The following GABRP variants were observed in gnomAD, a reference collection of about 807,000 sequenced individuals.
The protein encoded by GABRP is gamma-aminobutyric acid type A receptor subunit pi, also known as gamma-aminobutyric acid receptor subunit pi.
A neutral mutation model predicts 47.8 loss-of-function variants in GABRP; 52 were observed. That is an observed-to-expected ratio of 1.09 (90% CI 0.87 to 1.37). The LOEUF (loss-of-function observed/expected upper bound fraction) is 1.37. GABRP is among the 40% of genes most tolerant of loss of function. The pLI is 0.00. For synonymous variants in GABRP, 221 were observed against 205.8 expected, an observed-to-expected ratio of 1.07 and a Z score of -0.63; for missense variants, 525 against 542.8, an observed-to-expected ratio of 0.97 and a Z score of 0.33.
chr5:170,794,427 T>C, intron 4 of GABRP, 129 bp downstream of exon 4: 1 of 491,296 alleles, frequency 2.0e-6, no homozygotes, highest in Non-Finnish European at 3.5e-6. Flanking sequence ...CCATTTGGAA[T>C]GGCAGAAGCT....
rs1022662728 is a variant in GABRP at position 170,789,219 on chromosome 5, T to C, written c.144T>C (p.Tyr48=). 3.1e-6 allele frequency: 5 copies of C among 1,613,894 alleles called. No homozygotes were observed. Among genetic ancestry groups the C allele is most frequent in the Non-Finnish European group, 4.2e-6 (5 of 1,179,906 alleles). ...LPGFENLTAG[Y]NKFLRPNFGG... is the part of the protein sequence containing the mutation. ...GCTTTGAGAACCTCACAGCAGGATA[T>C]AACAAATTTCTCAGGCCCAATTTTG... The change falls in exon 3 of 10, where the codon TAT becomes TAC. Residue 48 remains tyrosine, a synonymous_variant. Coordinates refer to ENST00000265294, the MANE Select transcript of GABRP (RefSeq NM_014211.3).
Position 170,811,688 on chromosome 5 carries a change from G to A in GABRP, c.1021-268G>A, listed in dbSNP as rs570984811. 3.3e-4 allele frequency among the ~76,000 whole-genome samples: 50 copies of A among 152,232 alleles called. 1 individual carries two copies. Among genetic ancestry groups the A allele is most frequent in the African/African-American group, 1.0e-3 (43 of 41,542 alleles). ...ACTAACTTCAAAGCCTGAGCATTTC[G>A]CATCTGGCACACTGCTCAGGATATC... On this transcript the variant is annotated intron_variant, in intron 9 of 9. Coordinates refer to ENST00000265294, the MANE Select transcript of GABRP (RefSeq NM_014211.3).
chr5:170,795,019 A>G (rs1765385741), intron 4 of GABRP, among the ~76,000 whole-genome samples, 189 bp from the exon 5 acceptor site: 1 of 146,322 alleles, frequency 6.8e-6, no homozygotes, highest in South Asian at 2.2e-4. Context: ...GGAGTGACTT[A>G]TCAGTTACCC....
chr5:170,796,173 G>A (rs113613162), intron 5 of GABRP, among the ~76,000 whole-genome samples: 43 of 152,338 alleles, frequency 2.8e-4, no homozygotes, highest in African/African-American at 7.5e-4. Context: ...TTAAGTAAGA[G>A]TCTAAAGTTA....
rs866217879 is a variant in GABRP, at chr5:170,795,313, TG to T, written c.349del (p.Val117CysfsTer77). Reference protein sequence around the residue: ...TLDARLVEFLWVPDTYIVESK... With the variant: ...TLDARLVEFLXVPDTYIVESK... Reference sequence around the variant, plus strand: ...GGATGCCCGCCTCGTGGAGTTCCTCTGGGTGCCAGATACTTACATTGTGGAG... The same window carrying T: ...GGATGCCCGCCTCGTGGAGTTCCTCTGGTGCCAGATACTTACATTGTGGAG... On this transcript the variant is annotated frameshift_variant, in exon 5 of 10. Coordinates refer to ENST00000265294, the MANE Select transcript of GABRP (RefSeq NM_014211.3). LOFTEE classifies it high-confidence loss of function. The T allele has an allele frequency of 1.2e-5, 20 of 1,613,996 alleles. No homozygotes were observed. The highest frequency in any genetic ancestry group is 1.7e-5 in the Non-Finnish European group (20 of 1,179,992).
rs79707883 is a variant in GABRP, at chr5:170,803,501, T to C, written c.542-2215T>C. 6.3e-3 allele frequency among the ~76,000 whole-genome samples: 964 copies of C among 152,262 alleles called. 14 individuals carry two copies. Among genetic ancestry groups the C allele is most frequent in the African/African-American group, 0.022 (910 of 41,532 alleles). On this transcript the variant is annotated intron_variant, in intron 6 of 9. Coordinates refer to ENST00000265294, the MANE Select transcript of GABRP (RefSeq NM_014211.3). ...AACAGCTTTATTGAGGTATAACTTA[T>C]ATACGATAAAATTCACCCATTTTAA...
At chr5:170,798,920 A>C (rs983919345) in intron 6 of GABRP, among the ~76,000 whole-genome samples, 2 of 151,124 alleles carry the variant, frequency 1.3e-5, no homozygotes, top group Non-Finnish European at 2.9e-5. Context: ...TACATTAGGT[A>C]TATCTCCTAA....
intron 6 of GABRP, among the ~76,000 whole-genome samples, chr5:170,804,856 T>G (rs1019501668): frequency 6.6e-6 from 1 of 151,788 alleles, no homozygotes; most frequent in Non-Finnish European, 1.5e-5. Context: ...TTTTCAAGAA[T>G]AATGTGGGAA....
chr5:170,795,936 A>G (rs1289194284), intron 5 of GABRP, among the ~76,000 whole-genome samples: 1 of 152,134 alleles, frequency 6.6e-6, no homozygotes, highest in Non-Finnish European at 1.5e-5. Flanking sequence ...TGTAGAGAAA[A>G]CCAAGGTGCA....
At chr5:170,792,632 A>T (rs1765306155) in intron 3 of GABRP, among the ~76,000 whole-genome samples, 1 of 152,160 alleles carries the variant, frequency 6.6e-6, no homozygotes, top group African/African-American at 2.4e-5. Flanking sequence ...ACTTAGCACC[A>T]GGTCACTCCA....
chr5:170,813,018 T>A lies in GABRP; in HGVS notation c.*760T>A, dbSNP rs1765933828. ...TTATCATTTTATTATTATACACACA[T>A]CCATCCTAAACTATACTAAAGCCCT... On this transcript the variant is annotated 3_prime_UTR_variant, in exon 10 of 10. Coordinates refer to ENST00000265294, the MANE Select transcript of GABRP (RefSeq NM_014211.3). 1 of 152,208 alleles carries A rather than the reference T, an allele frequency of 6.6e-6. No homozygotes were observed. Among genetic ancestry groups the A allele is most frequent in the South Asian group, 2.1e-4 (1 of 4,824 alleles). The allele number at this position is 152,208 out of a possible 1,614,324, so 9.4% of individuals were successfully genotyped here.
intron 3 of GABRP, among the ~76,000 whole-genome samples, chr5:170,789,731 T>C (rs115791988): frequency 6.6e-6 from 1 of 152,110 alleles, no homozygotes; most frequent in Non-Finnish European, 1.5e-5. Flanking sequence ...CCAGCCTTTA[T>C]CTGTCTGCCA....
At chr5:170,809,785 C>CCAT (rs1368947634) in intron 9 of GABRP, 30 bp downstream of exon 9, 1 of 1,558,888 alleles carries the variant, frequency 6.4e-7, no homozygotes, top group South Asian at 1.2e-5. Context: ...TGTGTATGAT[C>CCAT]CATCACTGGT....
intron 9 of GABRP, 170 bp downstream of exon 9, chr5:170,809,925 G>A: frequency 1.4e-6 from 1 of 710,526 alleles, no homozygotes; most frequent in East Asian, 2.7e-5. Context: ...GGTGCCCCTT[G>A]AAAAAGACCA....
intron 6 of GABRP, among the ~76,000 whole-genome samples, chr5:170,800,890 G>A (rs987851181): frequency 1.3e-5 from 2 of 152,320 alleles, no homozygotes; most frequent in East Asian, 1.9e-4. Flanking sequence ...AGGTTGCAGT[G>A]AGCAAAGATT....
In GABRP at chr5:170,812,351, A is replaced by G; in HGVS notation, c.*93A>G. Reference sequence around the variant, plus strand: ...TAGGCCAAGTGTGCACCCACATCCAATGGTGCTACAAGTGACTGAAATAAT... The same window carrying G: ...TAGGCCAAGTGTGCACCCACATCCAGTGGTGCTACAAGTGACTGAAATAAT... On this transcript the variant is annotated 3_prime_UTR_variant, in exon 10 of 10. Coordinates refer to ENST00000265294, the MANE Select transcript of GABRP (RefSeq NM_014211.3). 2.2e-6 allele frequency: 2 copies of G among 924,948 alleles called. No homozygotes were observed. The highest frequency in any genetic ancestry group is 1.6e-5 in the African/African-American group (1 of 60,870). The allele number at this position is 924,948 out of a possible 1,614,324, so 57.3% of individuals were successfully genotyped here.
rs114034439 is a variant in GABRP at position 170,788,570 on chromosome 5, C to T, written c.-42-4C>T. 6.7e-4 allele frequency: 1,080 copies of T among 1,606,648 alleles called. 6 individuals carry two copies. The African/African-American group carries it at 0.013, about 19-fold the overall frequency. On this transcript the variant is annotated splice_polypyrimidine_tract_variant and splice_region_variant and intron_variant, in intron 1 of 9. Coordinates refer to ENST00000265294, the MANE Select transcript of GABRP (RefSeq NM_014211.3). Reference sequence around the variant, plus strand: ...TTCCACTTACCTTGCCCCCTGTTTCCCAGGTGATTCCTACTTCAGCCCCTT... The same window carrying T: ...TTCCACTTACCTTGCCCCCTGTTTCTCAGGTGATTCCTACTTCAGCCCCTT...
chr5:170,809,563 C>T lies in GABRP; in HGVS notation c.833-5C>T. 1 of 1,613,374 alleles carries T rather than the reference C, an allele frequency of 6.2e-7. No homozygotes were observed. The highest frequency in any genetic ancestry group is 8.5e-7 in the Non-Finnish European group (1 of 1,179,954). On this transcript the variant is annotated splice_region_variant and splice_polypyrimidine_tract_variant and intron_variant, in intron 8 of 9. Coordinates refer to ENST00000265294, the MANE Select transcript of GABRP (RefSeq NM_014211.3). ...TGTAGGAACATCCCCTGCCTGTTTT[C>T]CCAGGAGTGACGACCGTGTTATCAA... is the stretch of plus-strand genomic sequence containing the variant.
At chr5:170,804,302 T>A (rs1765672487) in intron 6 of GABRP, among the ~76,000 whole-genome samples, 5 of 152,132 alleles carry the variant, frequency 3.3e-5, no homozygotes, top group Admixed American at 3.3e-4. Flanking sequence ...TTTTGGCTAT[T>A]ATGAGTAGTG....
Sources: allele counts gnomAD v4.1 joint callset (sites outside exome capture counted in the v4.1 genomes callset), GRCh38; gene constraint gnomAD v4.1.1; transcripts MANE v1.5; gene names NCBI Gene and HGNC (gene_info 2026-07-23, HGNC 2026-07-21).